PPP1R13L: variants seen among roughly 807,000 people sequenced by gnomAD.
PPP1R13L encodes relA-associated inhibitor.
In PPP1R13L, 50 loss-of-function variants were observed where a neutral mutation model predicts 80.9. That is an observed-to-expected ratio of 0.62 (90% CI 0.49 to 0.78). The LOEUF (loss-of-function observed/expected upper bound fraction) is 0.78, where lower values mean the gene tolerates loss of function less well. Among genes scored for constraint, PPP1R13L ranks in the 30% least tolerant of loss-of-function variants. PPP1R13L has a pLI of 0.00. For missense variants in PPP1R13L, 1,200 were observed against 1,205.9 expected, an observed-to-expected ratio of 1.00 and a Z score of 0.07; for synonymous variants, 602 against 534.3, an observed-to-expected ratio of 1.13 and a Z score of -1.75.
Position 45,386,130 on chromosome 19 carries a change from G to C in PPP1R13L, c.1866C>G (p.Arg622=). The C allele has an allele frequency of 6.5e-7, 1 of 1,546,154 alleles. No individual in the cohort carries two copies. Among genetic ancestry groups the C allele is most frequent in the South Asian group, 1.2e-5 (1 of 82,454 alleles). The part of the protein sequence containing the change: ...RKAGSPRKAR[R]ARLNPLVLLL... ...GGAGCACCAGAGGGTTGAGGCGCGC[G>C]CGGCGGGCCTTGCGCGGGGAGCCCG... Residue 622 remains arginine (R), a synonymous_variant, in exon 9 of 13, where the codon CGC becomes CGG. Transcript: ENST00000360957.
intron 1 of PPP1R13L, among the ~76,000 whole-genome samples, chr19:45,404,416 G>A (rs570170824): frequency 1.3e-5 from 2 of 152,276 alleles, no homozygotes; most frequent in South Asian, 4.1e-4. Flanking sequence ...AGAGGAGGTT[G>A]GAGATCTGCC....
rs754324317 is a variant in PPP1R13L, at chr19:45,396,746, G to A, written c.511C>T (p.Pro171Ser). Residue 171 changes from proline (P) to serine (S), a missense_variant, in exon 4 of 13, where the codon CCC becomes TCC. By Grantham distance (74) the Pro-to-Ser change is moderately conservative. Coordinates refer to ENST00000360957, the MANE Select transcript of PPP1R13L (RefSeq NM_006663.4). This position sits in a 1 kb window ranked among gnomAD's most constrained non-coding sequence, Gnocchi z 5.3. Reference sequence around the variant, plus strand: ...CCCAGGAAGTCGAAAGGCGTGGGGGGACCCTGCTGGCGGAGCGGGCCTGGC... The same window carrying A: ...CCCAGGAAGTCGAAAGGCGTGGGGGAACCCTGCTGGCGGAGCGGGCCTGGC... ...PGPGPLRQQG[P>S]PTPFDFLGRA... The A allele has an allele frequency of 4.5e-5, 62 of 1,364,656 alleles. No homozygotes were observed. Among genetic ancestry groups the A allele is most frequent in the Non-Finnish European group, 2.6e-5 (28 of 1,068,608 alleles). 84.5% of individuals were successfully genotyped at this position (1,364,656 alleles called of 1,614,324 possible). A position where few individuals can be genotyped will look rare whatever the true frequency, so the allele number is the denominator to read the frequency against.
chr19:45,382,048 C>T (rs891862925), intron 12 of PPP1R13L, among the ~76,000 whole-genome samples: 2 of 151,916 alleles, frequency 1.3e-5, no homozygotes, highest in African/African-American at 4.8e-5. Flanking sequence ...CAAAACCAGC[C>T]TGGCCAACAT....
chr19:45,393,757 C>G (rs927489566), intron 7 of PPP1R13L, among the ~76,000 whole-genome samples: 1 of 151,914 alleles, frequency 6.6e-6, no homozygotes, highest in Non-Finnish European at 1.5e-5. Flanking sequence ...CCTGTAGTCC[C>G]AGCCACTCGG....
In PPP1R13L at chr19:45,382,210, G is replaced by C. The variant is rs374341278; in HGVS notation, c.2448+317C>G. On this transcript the variant is annotated intron_variant, in intron 12 of 12. Transcript: ENST00000360957. Reference sequence around the variant, plus strand: ...GATGGCGCCATTGCACTCCAGCCTGGGCGACAGAGCGAGACTCCGTTTCAG... The same window carrying C: ...GATGGCGCCATTGCACTCCAGCCTGCGCGACAGAGCGAGACTCCGTTTCAG... Among the ~76,000 whole-genome samples the C allele has an allele frequency of 4.6e-5, 7 of 151,498 alleles. No homozygotes were observed. The East Asian group carries it at 5.8e-4, about 13-fold the overall frequency.
At chr19:45,399,013 G>A (rs1333913285) in intron 1 of PPP1R13L, among the ~76,000 whole-genome samples, 1 of 151,806 alleles carries the variant, frequency 6.6e-6, no homozygotes, top group Admixed American at 6.6e-5. Flanking sequence ...GCGCGATCTC[G>A]GCTCACTGCA....
At chr19:45,402,781 G>C (rs1973259075) in intron 1 of PPP1R13L, among the ~76,000 whole-genome samples, 1 of 152,208 alleles carries the variant, frequency 6.6e-6, no homozygotes, top group African/African-American at 2.4e-5. Context: ...TCTCCCCTGG[G>C]CTCCTCTCTC....
At chr19:45,404,512 G>A (rs899484971) in intron 1 of PPP1R13L, among the ~76,000 whole-genome samples, 1 of 152,138 alleles carries the variant, frequency 6.6e-6, no homozygotes, top group Non-Finnish European at 1.5e-5. Flanking sequence ...GGGACCCCGG[G>A]TACCTGTCCT....
At position 45,386,194 on chromosome 19, in the gene PPP1R13L, C is replaced by A. The variant is rs758631354; in HGVS notation, c.1816-14G>T. ...AGAGCGCATCTCCTGGGGGACAGGG[C>A]GCAGAGGTCAGCGACTTGGAGGGAT... On this transcript the variant is annotated splice_polypyrimidine_tract_variant and intron_variant, in intron 8 of 12. Transcript: ENST00000360957. 11 of 1,504,332 alleles carry A rather than the reference C, an allele frequency of 7.3e-6. No homozygotes were observed. In the East Asian group the frequency reaches 1.6e-4, roughly 22 times the overall value. 93.2% of individuals were successfully genotyped at this position (1,504,332 alleles called of 1,614,324 possible). A position where few individuals can be genotyped will look rare whatever the true frequency, so the allele number is the denominator to read the frequency against.
chr19:45,397,955 G>C, intron 3 of PPP1R13L, 50 bp downstream of exon 3: 1 of 1,578,142 alleles, frequency 6.3e-7, no homozygotes, highest in East Asian at 2.3e-5. Context: ...CTCTGGTCTG[G>C]ACTGTGGCGA....
At chr19:45,399,721 A>T (rs941873949) in intron 1 of PPP1R13L, among the ~76,000 whole-genome samples, 1 of 151,716 alleles carries the variant, frequency 6.6e-6, no homozygotes, top group Non-Finnish European at 1.5e-5. Context: ...TGGGAGGCCG[A>T]GGTGGATGGA....
chr19:45,383,326 T>C (rs1310045980), intron 11 of PPP1R13L, among the ~76,000 whole-genome samples: 1 of 84,354 alleles, frequency 1.2e-5, no homozygotes, highest in Non-Finnish European at 2.2e-5. Context: ...TGAGATGGAA[T>C]TTCGCTCTTG....
intron 9 of PPP1R13L, 28 bp downstream of exon 9, chr19:45,386,021 T>C (rs751180005): frequency 2.5e-6 from 4 of 1,587,966 alleles, no homozygotes; most frequent in Non-Finnish European, 3.4e-6. Flanking sequence ...GCCCCCGCCG[T>C]GCCCACCTCC....
At chr19:45,392,926 G>A (rs1159199864) in intron 7 of PPP1R13L, 1 of 158,850 alleles carries the variant, frequency 6.3e-6, no homozygotes, top group East Asian at 1.9e-4. Flanking sequence ...AGAACTTTGG[G>A]AGGCCGAGGC....
intron 1 of PPP1R13L, among the ~76,000 whole-genome samples, chr19:45,402,571 G>T (rs952824926): frequency 6.6e-6 from 1 of 152,204 alleles, no homozygotes; most frequent in Non-Finnish European, 1.5e-5. Context: ...AATGCGCAGC[G>T]GGCCCGGGCA....
At position 45,395,715 on chromosome 19, in the gene PPP1R13L, G is replaced by T. The variant is rs779057846; in HGVS notation, c.1075C>A (p.Pro359Thr). Residue 359 changes from proline to threonine, a missense_variant, in exon 7 of 13, where the codon CCC becomes ACC. Physicochemically the swap from Pro to Thr is conservative, Grantham distance 38 (BLOSUM62 -1). Coordinates refer to ENST00000360957, the MANE Select transcript of PPP1R13L (RefSeq NM_006663.4). ...VSRIPMPPSS[P>T]QPRGAPRQRP... ...TGGCGCGGGGCCCCGCGGGGCTGGGGGCTGGAGGGGGGCATGGGGATGCGG... is the reference window on the plus strand; with the variant it reads ...TGGCGCGGGGCCCCGCGGGGCTGGGTGCTGGAGGGGGGCATGGGGATGCGG... 3 of 1,487,256 alleles carry T rather than the reference G, an allele frequency of 2.0e-6. No homozygotes were observed. Among genetic ancestry groups the T allele is most frequent in the African/African-American group, 2.8e-5 (2 of 71,480 alleles). 92.1% of individuals were successfully genotyped at this position (1,487,256 alleles called of 1,614,324 possible).
chr19:45,396,355 T>G lies in PPP1R13L; in HGVS notation c.794A>C (p.Gln265Pro). ...LDVAYEKKPS[Q>P]TASYERLDVF... ...CCACTCACGTTCATAGCTCGCTGTC[T>G]GCGAAGGCTTCTTCTCGTACGCCAC... Residue 265 changes from glutamine (Q) to proline (P), a missense_variant, in exon 5 of 13, where the codon CAG becomes CCG. By Grantham distance (76) the Gln-to-Pro change is moderately conservative (BLOSUM62 -1). Around this residue, in one of 5 missense-constraint regions of PPP1R13L, gnomAD observed 764 missense variants for 714.5 expected, o/e 1.07. Coordinates refer to ENST00000360957, the MANE Select transcript of PPP1R13L (RefSeq NM_006663.4). This position sits in a 1 kb window ranked among gnomAD's most constrained non-coding sequence, Gnocchi z 5.3. 6.2e-7 allele frequency: 1 copy of G among 1,614,116 alleles called. No individual in the cohort carries two copies. The highest frequency in any genetic ancestry group is 8.5e-7 in the Non-Finnish European group (1 of 1,180,010).
At position 45,396,589 on chromosome 19, in the gene PPP1R13L, A is replaced by T; in HGVS notation, c.668T>A (p.Leu223Gln). 6.7e-7 allele frequency: 1 copy of T among 1,499,832 alleles called. No individual in the cohort carries two copies. Among genetic ancestry groups the T allele is most frequent in the South Asian group, 1.3e-5 (1 of 75,078 alleles). 92.9% of individuals were successfully genotyped at this position (1,499,832 alleles called of 1,614,324 possible). The change falls in exon 4 of 13, where the codon CTA becomes CAA. Residue 223 changes from leucine to glutamine, a missense_variant. By Grantham distance (113) the Leu-to-Gln change is moderately radical (BLOSUM62 -2). Transcript: ENST00000360957. The surrounding 1 kb of genome is among the most constrained non-coding windows in gnomAD (Gnocchi z 5.3). ...APASAFGSSL[L>Q]GSGGSAFAPP... ...GGCGAATGCGCTGCCGCCGGAGCCT[A>T]GCAGGGAGCTCCCGAAGGCGGACGC...
rs112933504 is a variant in PPP1R13L at position 45,380,829 on chromosome 19, A to AACAC, written c.2449-605_2449-602dup. 2.2e-4 allele frequency among the ~76,000 whole-genome samples: 32 copies of AACAC among 145,450 alleles called. 1 individual carries two copies. Among genetic ancestry groups the AACAC allele is most frequent in the Admixed American group, 1.3e-3 (19 of 14,468 alleles). On this transcript the variant is annotated intron_variant, in intron 12 of 12. Transcript: ENST00000360957. ...GCTGAAGCTGTGTCTCCAAAAACAAAACACACACACACACACACACAGAAA... is the reference window on the plus strand; with the variant it reads ...GCTGAAGCTGTGTCTCCAAAAACAAAACACACACACACACACACACACACAGAAA...
Sources: gnomAD v4.1 joint callset for allele counts (sites outside exome capture counted in the v4.1 genomes callset) on GRCh38, gnomAD v4.1.1 for gene constraint, gnomAD v4.1.1 regional missense constraint, Gnocchi (gnomAD v3.1) non-coding constraint, MANE v1.5 for transcripts, NCBI Gene and HGNC (gene_info 2026-07-23, HGNC 2026-07-21) for gene names.